Variants in NR2C1 observed in about 807,000 individuals in gnomAD.
The protein encoded by NR2C1 is nuclear receptor subfamily 2 group C member 1, also known as TR2 nuclear hormone receptor.
A neutral mutation model predicts 74.8 loss-of-function variants in NR2C1; 33 were observed. The observed-to-expected ratio is 0.44, with a 90% CI of 0.33 to 0.59. The LOEUF is 0.59. NR2C1 is among the 20% of genes least tolerant of loss of function. The probability of loss-of-function intolerance (pLI) is 0.02; values close to 1 mark genes in which losing one functional copy is unlikely to be tolerated. For synonymous variants in NR2C1, 225 were observed against 240.6 expected, an observed-to-expected ratio of 0.94 and a Z score of 0.60; for missense variants, 568 against 715.6, an observed-to-expected ratio of 0.79 and a Z score of 2.35.
intron 4 of NR2C1, among the ~76,000 whole-genome samples, chr12:95,059,315 ATTT>A (rs373286807): frequency 6.7e-6 from 1 of 149,822 alleles, no homozygotes; most frequent in African/African-American, 2.5e-5. Flanking sequence ...AAAAAAAAAA[ATTT>A]TTTTTTTACA....
chr12:95,053,681 G>GTTTTTTTTTTTTTTT (rs550069594), intron 7 of NR2C1, among the ~76,000 whole-genome samples: 11 of 103,400 alleles, frequency 1.1e-4, no homozygotes, highest in African/African-American at 4.4e-4. Context: ...TCTTTTTGGT[G>GTTTTTTTTTTTTTTT]TTTTTTTTTT....
At chr12:95,065,490 C>T (rs535266516) in intron 2 of NR2C1, among the ~76,000 whole-genome samples, 4 of 151,850 alleles carry the variant, frequency 2.6e-5, no homozygotes, top group African/African-American at 7.3e-5. Flanking sequence ...TTTTAATTTT[C>T]GTGGGTACAT....
At chr12:95,058,169 G>A (rs1240579575) in intron 5 of NR2C1, 141 bp downstream of exon 5, 7 of 715,062 alleles carry the variant, frequency 9.8e-6, no homozygotes, top group African/African-American at 9.0e-5. Context: ...AAGTACATAC[G>A]TAGGTCTGTA....
Position 95,059,808 on chromosome 12 carries a change from T to C in NR2C1, c.364+98A>G, listed in dbSNP as rs1368325113. 1.9e-5 allele frequency: 15 copies of C among 782,370 alleles called. No homozygotes were observed. The East Asian group carries it at 4.0e-4, about 21-fold the overall frequency. 48.5% of individuals were successfully genotyped at this position (782,370 alleles called of 1,614,324 possible). Reference sequence around the variant, plus strand: ...CCTTTATTTCTCTTCTTACTTTTAGTAGAAGAAACATGGTAGTGTGGTAGT... The same window carrying C: ...CCTTTATTTCTCTTCTTACTTTTAGCAGAAGAAACATGGTAGTGTGGTAGT... On this transcript the variant is annotated intron_variant, in intron 4 of 13. Coordinates refer to ENST00000333003, the MANE Select transcript of NR2C1 (RefSeq NM_003297.4).
chr12:95,023,138 T>A (rs535813596), intron 13 of NR2C1, among the ~76,000 whole-genome samples: 110 of 149,410 alleles, frequency 7.4e-4, no homozygotes, highest in African/African-American at 2.3e-3. Flanking sequence ...CTAAAAAAAA[T>A]AATAATAAAA....
At position 95,057,555 on chromosome 12, in the gene NR2C1, T is replaced by C. The variant is rs779066814; in HGVS notation, c.781A>G (p.Lys261Glu). The C allele has an allele frequency of 1.2e-6, 2 of 1,605,652 alleles. No homozygotes were observed. The highest frequency in any genetic ancestry group is 1.1e-5 in the South Asian group (1 of 90,050). The change falls in exon 7 of 14, where the codon AAG becomes GAG. Residue 261 changes from lysine to glutamate, a missense_variant and splice_region_variant. Lys to Glu is a moderately conservative substitution (Grantham distance 56, BLOSUM62 1). Transcript: ENST00000333003. Reference sequence around the variant, plus strand: ...GCTTTAAATTGTACTAAACACACCTTATCTGATGTCATCAGCACAGCTGAC... The same window carrying C: ...GCTTTAAATTGTACTAAACACACCTCATCTGATGTCATCAGCACAGCTGAC... ...TESAVLMTSD[K>E]AESCQGDLST...
At chr12:95,053,752 C>T (rs55633464) in intron 7 of NR2C1, among the ~76,000 whole-genome samples, 7,276 of 140,052 alleles carry the variant, frequency 0.052, 238 homozygotes, top group Middle Eastern at 0.11. Flanking sequence ...GGTGCGATCT[C>T]GGCTCGCTGC....
chr12:95,032,217 G>A lies in NR2C1; in HGVS notation c.1254-729C>T, dbSNP rs1324105706. Among the ~76,000 whole-genome samples the A allele has an allele frequency of 2.0e-5, 3 of 152,172 alleles. 1 individual carries two copies. Among genetic ancestry groups the A allele is most frequent in the Non-Finnish European group, 4.4e-5 (3 of 68,034 alleles). ...AGCAACCAATTTTAGGAGAAAAATG[G>A]TTCATTGTATGTTTCAGAGGAGATA... is the stretch of plus-strand genomic sequence containing the variant. On this transcript the variant is annotated intron_variant, in intron 10 of 13. Coordinates refer to ENST00000333003, the MANE Select transcript of NR2C1 (RefSeq NM_003297.4).
intron 10 of NR2C1, among the ~76,000 whole-genome samples, chr12:95,032,088 G>C (rs780541069): frequency 1.6e-4 from 24 of 152,174 alleles, no homozygotes; most frequent in Non-Finnish European, 3.2e-4. Context: ...GGCTGGTCTT[G>C]AACTCCTGAC....
Position 95,057,817 on chromosome 12 carries a change from A to T in NR2C1, c.606T>A (p.Ala202=), listed in dbSNP as rs1347286214. 4 of 1,614,094 alleles carry T rather than the reference A, an allele frequency of 2.5e-6. No homozygotes were observed. Among genetic ancestry groups the T allele is most frequent in the Non-Finnish European group, 3.4e-6 (4 of 1,179,966 alleles). ...VSREKSSNCA[A]STEKIYIRKD... The stretch of plus-strand genomic sequence containing the variant: ...TTCGGATATAGATTTTTTCTGTTGA[A>T]GCGGCACAGTTGGAAGATTTTTCTC... The change falls in exon 6 of 14, where the codon GCT becomes GCA. Residue 202 remains alanine, a synonymous_variant. Transcript: ENST00000333003.
chr12:95,070,695 C>T (rs2136212088), intron 1 of NR2C1, among the ~76,000 whole-genome samples: 1 of 152,328 alleles, frequency 6.6e-6, no homozygotes, highest in South Asian at 2.1e-4. Flanking sequence ...TTAACCCCTT[C>T]CCTTGGTATT....
intron 7 of NR2C1, among the ~76,000 whole-genome samples, chr12:95,053,647 A>C (rs939046274): frequency 2.8e-5 from 4 of 144,638 alleles, no homozygotes; most frequent in East Asian, 2.0e-4. Context: ...GTATCTTCTT[A>C]TTAATACTTT....
At chr12:95,030,361 C>A in intron 11 of NR2C1, 2 of 909,390 alleles carry the variant, frequency 2.2e-6, no homozygotes, top group Non-Finnish European at 2.9e-6. Context: ...ATAATAAAAA[C>A]AGATATTTAG....
Position 95,059,986 on chromosome 12 carries a change from T to TAAAAAAAAAA in NR2C1, c.286-12_286-3dup, listed in dbSNP as rs79760875. 219 of 1,074,486 alleles carry TAAAAAAAAAA rather than the reference T, an allele frequency of 2.0e-4. No homozygotes were observed. The highest frequency in any genetic ancestry group is 9.9e-4 in the South Asian group (52 of 52,302). The allele number at this position is 1,074,486 out of a possible 1,614,324, so 66.6% of individuals were successfully genotyped here. On this transcript the variant is annotated splice_region_variant and splice_polypyrimidine_tract_variant and intron_variant, in intron 3 of 13. Transcript: ENST00000333003. ...GTCTGGAGAATTATCTGTTAGGAGC[T>TAAAAAAAAAA]AAAAAAAAAAAAAAAAAAAAAGAAA... is the stretch of plus-strand genomic sequence containing the variant.
chr12:95,037,731 T>C (rs1871029093), intron 10 of NR2C1, among the ~76,000 whole-genome samples: 1 of 151,986 alleles, frequency 6.6e-6, no homozygotes, highest in African/African-American at 2.4e-5. Context: ...CTGTCTCTAC[T>C]AAAAATACAA....
chr12:95,024,982 T>C (rs952996991), intron 13 of NR2C1, among the ~76,000 whole-genome samples, 168 bp downstream of exon 13: 2 of 152,230 alleles, frequency 1.3e-5, no homozygotes, highest in Non-Finnish European at 2.9e-5. Context: ...GATGAAATAT[T>C]TTATGTAACG....
chr12:95,070,272 C>T (rs925143742), intron 1 of NR2C1, among the ~76,000 whole-genome samples: 3 of 152,086 alleles, frequency 2.0e-5, no homozygotes, highest in African/African-American at 7.2e-5. Context: ...GCTGGGATTA[C>T]AGGCATGCAC....
At chr12:95,023,203 T>G (rs765229624) in intron 13 of NR2C1, among the ~76,000 whole-genome samples, 2 of 152,060 alleles carry the variant, frequency 1.3e-5, no homozygotes, top group African/African-American at 2.4e-5. Flanking sequence ...AAACCTTGTC[T>G]CTACTAAAAA....
chr12:95,068,064 G>C (rs966750309), intron 1 of NR2C1, among the ~76,000 whole-genome samples: 20 of 151,960 alleles, frequency 1.3e-4, no homozygotes, highest in South Asian at 8.3e-4. Context: ...ATTTTTAGTA[G>C]AGACAGGGTT....
Sources: allele counts gnomAD v4.1 joint callset (sites outside exome capture counted in the v4.1 genomes callset), GRCh38; gene constraint gnomAD v4.1.1; transcripts MANE v1.5; gene names NCBI Gene and HGNC (gene_info 2026-07-23, HGNC 2026-07-21).